Variants in MAPK8 observed in about 807,000 individuals in gnomAD.
The protein encoded by MAPK8 is JUN N-terminal kinase.
In MAPK8, 13 loss-of-function variants were observed where a neutral mutation model predicts 52.9. That is an observed-to-expected ratio of 0.25 (90% confidence interval 0.16 to 0.39). The LOEUF is 0.39. Among genes scored for constraint, MAPK8 ranks in the 10% least tolerant of loss-of-function variants. The probability of loss-of-function intolerance (pLI) is 1.00; values close to 1 mark genes in which losing one functional copy is unlikely to be tolerated. For missense variants in MAPK8, 300 were observed against 519.2 expected, an observed-to-expected ratio of 0.58 and a Z score of 4.10; for synonymous variants, 191 against 169.8, an observed-to-expected ratio of 1.12 and a Z score of -0.97.
chr10:48,403,355 G>C (rs1191177330), intron 2 of MAPK8, among the ~76,000 whole-genome samples: 1 of 152,016 alleles, frequency 6.6e-6, no homozygotes, highest in Non-Finnish European at 1.5e-5. Flanking sequence ...CTACTTGGGA[G>C]GCGGAGGCAG....
intron 2 of MAPK8, 131 bp from the exon 3 acceptor site, chr10:48,404,721 G>A (rs183615338): frequency 1.4e-4 from 88 of 636,732 alleles, no homozygotes; most frequent in African/African-American, 3.8e-4. Context: ...CATGTTGAGC[G>A]TCATAGACTT....
At chr10:48,333,018 T>C (rs996753616) in intron 1 of MAPK8, among the ~76,000 whole-genome samples, 5 of 152,224 alleles carry the variant, frequency 3.3e-5, no homozygotes, top group South Asian at 2.1e-4. Context: ...ATCACTGTTA[T>C]GTCCCTTGCC....
chr10:48,368,217 A>G (rs1848237878), intron 1 of MAPK8, among the ~76,000 whole-genome samples: 3 of 152,226 alleles, frequency 2.0e-5, no homozygotes, highest in African/African-American at 4.8e-5. Context: ...TGTGAACAAA[A>G]TGCATGCTCT....
chr10:48,380,207 A>G (rs888412363), intron 1 of MAPK8, among the ~76,000 whole-genome samples: 4 of 151,586 alleles, frequency 2.6e-5, no homozygotes, highest in Non-Finnish European at 5.9e-5. Context: ...ATGCCATTGT[A>G]CTCCACCCTG....
At chr10:48,394,697 A>G (rs754145343) in intron 1 of MAPK8, among the ~76,000 whole-genome samples, 4 of 151,914 alleles carry the variant, frequency 2.6e-5, no homozygotes, top group Non-Finnish European at 5.9e-5. Context: ...CACCACTTCT[A>G]TTCGGCATTG....
intron 3 of MAPK8, 106 bp downstream of exon 3, chr10:48,405,087 T>A: frequency 4.2e-6 from 2 of 472,482 alleles, no homozygotes; most frequent in Non-Finnish European, 3.6e-6. Context: ...TGTTCTGTAT[T>A]AAAACATTGT....
chr10:48,426,611 G>C (rs7091182), intron 9 of MAPK8, 107 bp downstream of exon 9: 1 of 1,009,152 alleles, frequency 9.9e-7, no homozygotes, highest in Admixed American at 2.9e-5. Context: ...GTAGATACAT[G>C]ATGATGATGT....
chr10:48,405,530 A>G (rs971292907), intron 3 of MAPK8, among the ~76,000 whole-genome samples: 4 of 152,152 alleles, frequency 2.6e-5, no homozygotes, highest in Non-Finnish European at 4.4e-5. Context: ...TTCTAATTCT[A>G]TTTTCTAATG....
chr10:48,318,912 A>C (rs1224164310), intron 1 of MAPK8, among the ~76,000 whole-genome samples: 1 of 152,232 alleles, frequency 6.6e-6, no homozygotes, highest in East Asian at 1.9e-4. Flanking sequence ...AGGAGGATGA[A>C]GAATTGAGTC....
intron 1 of MAPK8, among the ~76,000 whole-genome samples, chr10:48,347,325 G>A (rs1845884537): frequency 2.6e-5 from 4 of 152,184 alleles, no homozygotes; most frequent in Non-Finnish European, 4.4e-5. Flanking sequence ...AAGCAGGAAA[G>A]TGTCAGCTCA....
Position 48,438,933 on chromosome 10 carries a change from AC to A in MAPK8, c.*3905del, listed in dbSNP as rs2045077452. 1 of 152,212 alleles carries A rather than the reference AC, an allele frequency of 6.6e-6. No individual in the cohort carries two copies. The highest frequency in any genetic ancestry group is 6.5e-5 in the Admixed American group (1 of 15,278). The allele number at this position is 152,212 out of a possible 1,614,324, so 9.4% of individuals were successfully genotyped here. On this transcript the variant is annotated 3_prime_UTR_variant, in exon 12 of 12. Transcript: ENST00000374189. ...TAAAAATTTTACGAAGAAATAAATT[AC>A]TTTTGTAGGCCCAATATTTGGTATA...
In MAPK8 at chr10:48,437,888, A is replaced by G. The variant is rs1404742499; in HGVS notation, c.*2859A>G. 1 of 152,244 alleles carries G rather than the reference A, an allele frequency of 6.6e-6. No individual in the cohort carries two copies. The highest frequency in any genetic ancestry group is 2.4e-5 in the African/African-American group (1 of 41,462). 9.4% of individuals were successfully genotyped at this position (152,244 alleles called of 1,614,324 possible). On this transcript the variant is annotated 3_prime_UTR_variant, in exon 12 of 12. Coordinates refer to ENST00000374189, the MANE Select transcript of MAPK8 (RefSeq NM_001323329.2). ...GCCAGCCTTGTCATTGTTCTGTTCT[A>G]TGCTAATCCTGCTGTGTTGTCTAAA...
intron 1 of MAPK8, among the ~76,000 whole-genome samples, chr10:48,377,840 A>C (rs973540981): frequency 6.6e-6 from 1 of 152,234 alleles, no homozygotes; most frequent in African/African-American, 2.4e-5. Context: ...AAAGTTGCTT[A>C]TCAGGAATTC....
At chr10:48,381,150 AC>A (rs772427243) in intron 1 of MAPK8, among the ~76,000 whole-genome samples, 1 of 152,190 alleles carries the variant, frequency 6.6e-6, no homozygotes, top group Non-Finnish European at 1.5e-5. Flanking sequence ...TTAATATTAA[AC>A]CTAATTTTAA....
chr10:48,376,569 G>A (rs528510917), intron 1 of MAPK8, among the ~76,000 whole-genome samples: 237 of 152,304 alleles, frequency 1.6e-3, no homozygotes, highest in African/African-American at 5.5e-3. Context: ...AGCAGGCGAA[G>A]CATATGAAGA....
At chr10:48,388,450 T>G (rs981556900) in intron 1 of MAPK8, among the ~76,000 whole-genome samples, 1 of 152,102 alleles carries the variant, frequency 6.6e-6, no homozygotes, top group Non-Finnish European at 1.5e-5. Flanking sequence ...TCAACTAAAG[T>G]AGAAAGAGAG....
At chr10:48,425,713 A>G in intron 7 of MAPK8, 175 bp from the exon 8 acceptor site, 1 of 454,324 alleles carries the variant, frequency 2.2e-6, no homozygotes, top group Non-Finnish European at 3.9e-6. Context: ...TTATTTATTG[A>G]TCATTTCTGT....
chr10:48,412,035 A>G (rs1421562166), intron 5 of MAPK8, among the ~76,000 whole-genome samples: 1 of 152,100 alleles, frequency 6.6e-6, no homozygotes. Context: ...TAGTAGAGAC[A>G]GAGTTTCACC....
At chr10:48,385,518 A>G (rs747879967) in intron 1 of MAPK8, among the ~76,000 whole-genome samples, 6 of 152,300 alleles carry the variant, frequency 3.9e-5, no homozygotes, top group Middle Eastern at 3.4e-3. Flanking sequence ...TGATTAGACG[A>G]GAAATACTTA....
Sources: allele counts gnomAD v4.1 joint callset (sites outside exome capture counted in the v4.1 genomes callset), GRCh38; gene constraint gnomAD v4.1.1; transcripts MANE v1.5; gene names NCBI Gene and HGNC (gene_info 2026-07-23, HGNC 2026-07-21).